The following ZHX3 variants were observed in gnomAD, a reference collection of about 807,000 sequenced individuals.
ZHX3 encodes the protein zinc fingers and homeoboxes 3, also known as zinc fingers and homeoboxes protein 3.
Under a neutral mutation model 64.5 loss-of-function variants are expected in ZHX3, and 20 were observed. That is an observed-to-expected ratio of 0.31 (90% CI 0.22 to 0.45). The LOEUF (loss-of-function observed/expected upper bound fraction) is 0.45, where lower values mean the gene tolerates loss of function less well. Among genes scored for constraint, ZHX3 ranks in the 20% least tolerant of loss-of-function variants. The pLI is 1.00. For missense variants in ZHX3, 1,041 were observed against 1,195.8 expected, an observed-to-expected ratio of 0.87 and a Z score of 1.91; for synonymous variants, 423 against 461.6, an observed-to-expected ratio of 0.92 and a Z score of 1.07.
intron 2 of ZHX3, among the ~76,000 whole-genome samples, chr20:41,244,617 A>G (rs751362528): frequency 3.3e-5 from 5 of 152,226 alleles, no homozygotes; most frequent in African/African-American, 4.8e-5. Context: ...TAGGACATTT[A>G]TAAGTGGAGA....
At chr20:41,261,267 A>G (rs977578730) in intron 2 of ZHX3, among the ~76,000 whole-genome samples, 2 of 152,194 alleles carry the variant, frequency 1.3e-5, no homozygotes, top group Non-Finnish European at 2.9e-5. Flanking sequence ...AAATAACAGA[A>G]GTCTAGAAAT....
At chr20:41,310,048 C>T (rs530750136) in intron 1 of ZHX3, among the ~76,000 whole-genome samples, 1 of 152,318 alleles carries the variant, frequency 6.6e-6, no homozygotes, top group South Asian at 2.1e-4. Context: ...TGGTCCTTTT[C>T]TCCTCCCCAT....
At chr20:41,311,865 T>C (rs1031285244) in intron 1 of ZHX3, among the ~76,000 whole-genome samples, 1 of 152,222 alleles carries the variant, frequency 6.6e-6, no homozygotes. Context: ...TCGAAAAAAG[T>C]AGCTATTAAA....
intron 2 of ZHX3, among the ~76,000 whole-genome samples, chr20:41,229,948 G>T (rs1183612789): frequency 6.6e-6 from 1 of 152,102 alleles, no homozygotes; most frequent in East Asian, 1.9e-4. Flanking sequence ...TGTAAGGTAA[G>T]GATCCAACTC....
At chr20:41,235,224 G>A (rs1406828038) in intron 2 of ZHX3, among the ~76,000 whole-genome samples, 1 of 151,942 alleles carries the variant, frequency 6.6e-6, no homozygotes, top group Admixed American at 6.6e-5. Flanking sequence ...CAAAAAAACC[G>A]GCTGTGTATA....
chr20:41,279,782 C>G (rs781569340), intron 1 of ZHX3, among the ~76,000 whole-genome samples: 1 of 151,942 alleles, frequency 6.6e-6, no homozygotes, highest in Non-Finnish European at 1.5e-5. Flanking sequence ...AATACTAAGA[C>G]GTAAAGGAAA....
At chr20:41,250,949 C>A (rs946411663) in intron 2 of ZHX3, among the ~76,000 whole-genome samples, 3 of 152,000 alleles carry the variant, frequency 2.0e-5, no homozygotes, top group Non-Finnish European at 4.4e-5. Flanking sequence ...GAGTTTGAGA[C>A]CAGCTTGGCC....
rs565432808 is a variant in ZHX3, at chr20:41,200,555, AG to A, written c.2860+1501del. Among the ~76,000 whole-genome samples the A allele has an allele frequency of 4.3e-4, 66 of 152,152 alleles. No individual in the cohort carries two copies. The highest frequency in any genetic ancestry group is 6.8e-3 in the Middle Eastern group (2 of 294). On this transcript the variant is annotated intron_variant, in intron 3 of 3. Transcript: ENST00000683867. The surrounding 1 kb of genome is among the most constrained non-coding windows in gnomAD (Gnocchi z 4.2). ...GGCTGTGAGCTGTGGGCCCCAAAGG[AG>A]GGGAGTGTTTTGTTGTTGCCGTATT...
intron 1 of ZHX3, among the ~76,000 whole-genome samples, chr20:41,296,296 A>ACTGTT (rs2044525010): frequency 6.9e-6 from 1 of 145,824 alleles, no homozygotes; most frequent in African/African-American, 2.6e-5. Flanking sequence ...TACAGTCCTC[A>ACTGTT]CTGTTCTCCC....
intron 1 of ZHX3, chr20:41,269,310 G>C (rs942498381): frequency 6.6e-6 from 1 of 152,192 alleles, no homozygotes; most frequent in African/African-American, 2.4e-5. Flanking sequence ...TCTGATAACA[G>C]ATCAGAACAA....
At chr20:41,251,029 G>A (rs140715661) in intron 2 of ZHX3, among the ~76,000 whole-genome samples, 1 of 152,186 alleles carries the variant, frequency 6.6e-6, no homozygotes, top group Non-Finnish European at 1.5e-5. Flanking sequence ...ATAAAACCAT[G>A]GAGGCCAGAA....
chr20:41,304,810 C>T (rs745386479), intron 1 of ZHX3, among the ~76,000 whole-genome samples: 49 of 152,236 alleles, frequency 3.2e-4, no homozygotes, highest in South Asian at 6.2e-4. Flanking sequence ...ACAGACTTGA[C>T]ACACAGCAGA....
At chr20:41,303,784 A>G (rs1356514102) in intron 1 of ZHX3, among the ~76,000 whole-genome samples, 1 of 152,078 alleles carries the variant, frequency 6.6e-6, no homozygotes, top group Admixed American at 6.6e-5. Context: ...GCCTCTGAAC[A>G]TGCTAGAGCC....
At chr20:41,220,522 T>C (rs2039863985) in intron 2 of ZHX3, among the ~76,000 whole-genome samples, 1 of 152,284 alleles carries the variant, frequency 6.6e-6, no homozygotes, top group East Asian at 1.9e-4. Flanking sequence ...ATTTTATTCT[T>C]AGATTTTTTT....
chr20:41,305,175 C>T (rs566031975), intron 1 of ZHX3, among the ~76,000 whole-genome samples: 6 of 152,270 alleles, frequency 3.9e-5, no homozygotes, highest in Admixed American at 1.3e-4. Flanking sequence ...ATACCTACAA[C>T]GAAATGTCTT....
In ZHX3 at chr20:41,202,997, C is replaced by T. The variant is rs2146231899; in HGVS notation, c.1920G>A (p.Glu640=). 1.2e-6 allele frequency: 2 copies of T among 1,614,156 alleles called. No individual in the cohort carries two copies. The highest frequency in any genetic ancestry group is 1.3e-5 in the African/African-American group (1 of 75,026). Residue 640 remains glutamate (E), a synonymous_variant, in exon 3 of 4, where the codon GAG becomes GAA. Coordinates refer to ENST00000683867, the MANE Select transcript of ZHX3 (RefSeq NM_001384317.1). The surrounding 1 kb of genome is among the most constrained non-coding windows in gnomAD (Gnocchi z 7.0). ...TTTCACTTCTCAGGCGGTCCAGTTC[C>T]TCATCAAGAGGAAGAGGGTTTTGTG... ...SFAQNPLPLD[E]ELDRLRSETK...
At chr20:41,298,936 G>C (rs974326086) in intron 1 of ZHX3, among the ~76,000 whole-genome samples, 5 of 150,086 alleles carry the variant, frequency 3.3e-5, no homozygotes, top group Admixed American at 6.6e-5. Context: ...CTATGAGGAA[G>C]ACTGTTCTTG....
At chr20:41,298,814 G>A (rs185362439) in intron 1 of ZHX3, among the ~76,000 whole-genome samples, 7 of 152,324 alleles carry the variant, frequency 4.6e-5, no homozygotes, top group African/African-American at 1.4e-4. Flanking sequence ...CTTGGGAGAT[G>A]AAAGTGAAGA....
chr20:41,279,597 T>C (rs972460637), intron 1 of ZHX3, among the ~76,000 whole-genome samples: 2 of 152,064 alleles, frequency 1.3e-5, no homozygotes, highest in African/African-American at 2.4e-5. Context: ...ACTTCTCCCC[T>C]CTCTTAAAAT....
Sources: allele counts gnomAD v4.1 joint callset (sites outside exome capture counted in the v4.1 genomes callset), GRCh38; gene constraint gnomAD v4.1.1; non-coding constraint Gnocchi (gnomAD v3.1); transcripts MANE v1.5; gene names NCBI Gene and HGNC (gene_info 2026-07-23, HGNC 2026-07-21).